The following KLHL5 variants were observed in gnomAD, a reference collection of about 807,000 sequenced individuals.
The protein encoded by KLHL5 is kelch like family member 5.
Under a neutral mutation model 77.7 loss-of-function variants are expected in KLHL5, and 48 were observed. The ratio of observed to expected loss-of-function variants is 0.62; its 90% confidence interval spans 0.49 to 0.79. KLHL5 has a LOEUF of 0.79. KLHL5 is among the 30% of genes least tolerant of loss of function. KLHL5 has a pLI of 0.00. For synonymous variants in KLHL5, 260 were observed against 297.0 expected, an observed-to-expected ratio of 0.88 and a Z score of 1.28; for missense variants, 723 against 859.7, an observed-to-expected ratio of 0.84 and a Z score of 1.99.
At chr4:39,063,885 A>G (rs1717652321) in intron 1 of KLHL5, 1 of 155,692 alleles carries the variant, frequency 6.4e-6, no homozygotes, top group Admixed American at 6.4e-5. Context: ...TTTAAACTAC[A>G]ATAAGATTAT....
chr4:39,114,952 T>G (rs1443616436), intron 9 of KLHL5, among the ~76,000 whole-genome samples: 1 of 152,196 alleles, frequency 6.6e-6, no homozygotes, highest in Non-Finnish European at 1.5e-5. Context: ...TCCTTTTAAG[T>G]GTTATACATC....
rs746309553 is a variant in KLHL5, at chr4:39,090,449, G to GT, written c.1113+3739dup. On this transcript the variant is annotated intron_variant, in intron 5 of 10. Transcript: ENST00000504108. ...TCTACCAAATGATCCTTTTTGTATGGTTTTTTTTTTTTTTTTTAGACTGAG... is the reference window on the plus strand; with the variant it reads ...TCTACCAAATGATCCTTTTTGTATGGTTTTTTTTTTTTTTTTTTAGACTGAG... Among the ~76,000 whole-genome samples, 740 of 134,964 alleles carry GT rather than the reference G, an allele frequency of 5.5e-3. 2 individuals carry two copies. The highest frequency in any genetic ancestry group is 6.3e-3 in the Non-Finnish European group (389 of 61,482). The allele number at this position is 134,964 out of a possible 152,430, so 88.5% of individuals were successfully genotyped here. A position where few individuals can be genotyped will look rare whatever the true frequency, so the allele number is the denominator to read the frequency against.
chr4:39,104,154 A>G (rs1721848386), intron 7 of KLHL5, among the ~76,000 whole-genome samples: 1 of 152,180 alleles, frequency 6.6e-6, no homozygotes, highest in South Asian at 2.1e-4. Context: ...TGGTGGGTAC[A>G]GTAAAAGATC....
intron 8 of KLHL5, among the ~76,000 whole-genome samples, chr4:39,108,280 C>G (rs1722197026): frequency 6.6e-6 from 1 of 152,038 alleles, no homozygotes; most frequent in Non-Finnish European, 1.5e-5. Flanking sequence ...TAATAGCTCT[C>G]AGTTACTCAG....
upstream of KLHL5, chr4:39,044,982 G>A (rs1716035177): frequency 2.0e-6 from 2 of 989,230 alleles, no homozygotes; most frequent in South Asian, 4.5e-5. Flanking sequence ...CTAGGGGCGC[G>A]CGAGGGGCCG....
chr4:39,104,550 C>T (rs890907158), intron 7 of KLHL5, among the ~76,000 whole-genome samples: 1 of 152,102 alleles, frequency 6.6e-6, no homozygotes, highest in African/African-American at 2.4e-5. Context: ...CCAGCTGTTT[C>T]GTGCAGATGA....
chr4:39,096,988 G>A, intron 6 of KLHL5, 110 bp downstream of exon 6: 1 of 853,550 alleles, frequency 1.2e-6, no homozygotes, highest in Non-Finnish European at 1.9e-6. Flanking sequence ...GCAGGACAGG[G>A]GCAGAAAAAG....
chr4:39,107,118 GCTCA>G (rs1722099367), intron 7 of KLHL5, among the ~76,000 whole-genome samples: 1 of 150,698 alleles, frequency 6.6e-6, no homozygotes, highest in Non-Finnish European at 1.5e-5. Context: ...CATGATCTTG[GCTCA>G]CTGCTACCTC....
rs75544586 is a variant in KLHL5, at chr4:39,095,557, C to G, written c.1114-1135C>G. The stretch of plus-strand genomic sequence containing the variant: ...AAATTAATACATAAGGACTTCTGTA[C>G]TGGACTTGTTTTTAGTAGCAGAAAA... On this transcript the variant is annotated intron_variant, in intron 5 of 10. Transcript: ENST00000504108. 1.0e-2 allele frequency among the ~76,000 whole-genome samples: 1,514 copies of G among 151,864 alleles called. 23 individuals are homozygous for G. Among genetic ancestry groups the G allele is most frequent in the African/African-American group, 0.034 (1,423 of 41,426 alleles).
chr4:39,069,432 A>T (rs1472648836), intron 1 of KLHL5, among the ~76,000 whole-genome samples: 20 of 20,480 alleles, frequency 9.8e-4, no homozygotes, highest in African/African-American at 3.5e-3. Context: ...TTAACATTTT[A>T]TATATATATA....
intron 1 of KLHL5, among the ~76,000 whole-genome samples, chr4:39,067,378 A>G (rs974617941): frequency 6.6e-6 from 1 of 152,146 alleles, no homozygotes; most frequent in African/African-American, 2.4e-5. Flanking sequence ...ACATCATATC[A>G]AAGATACACA....
intron 10 of KLHL5, among the ~76,000 whole-genome samples, chr4:39,119,280 T>A (rs1052682773): frequency 6.6e-6 from 1 of 152,172 alleles, no homozygotes; most frequent in Non-Finnish European, 1.5e-5. Flanking sequence ...GTTATCATAG[T>A]GTCTGAAAAA....
At chr4:39,098,817 G>A (rs1364811651) in intron 6 of KLHL5, among the ~76,000 whole-genome samples, 1 of 151,734 alleles carries the variant, frequency 6.6e-6, no homozygotes, top group African/African-American at 2.4e-5. Flanking sequence ...GCCCTCCTCG[G>A]CCTTCCAAAG....
In KLHL5 at chr4:39,126,189, C is replaced by A. The variant is rs78479575; in HGVS notation, c.*5123C>A. On this transcript the variant is annotated 3_prime_UTR_variant, in exon 11 of 11. Coordinates refer to ENST00000504108, the MANE Select transcript of KLHL5 (RefSeq NM_015990.5). ...TATTTGAAATTATTGATAACTCTTA[C>A]ACAAAAACAAATATTCAATAAAATG... Among the ~76,000 whole-genome samples the A allele has an allele frequency of 0.023, 3,508 of 152,222 alleles. 116 individuals carry two copies. Among genetic ancestry groups the A allele is most frequent in the Admixed American group, 0.098 (1,501 of 15,280 alleles).
At chr4:39,116,939 A>T (rs13147311) in intron 10 of KLHL5, among the ~76,000 whole-genome samples, 2,052 of 151,992 alleles carry the variant, frequency 0.014, 31 homozygotes, top group African/African-American at 0.042. Flanking sequence ...CGCATTCAAG[A>T]GATTCCCCTG....
intron 8 of KLHL5, among the ~76,000 whole-genome samples, chr4:39,111,844 C>T (rs904423939): frequency 6.6e-6 from 1 of 151,990 alleles, no homozygotes; most frequent in African/African-American, 2.4e-5. Flanking sequence ...ATTTAAGAAA[C>T]AGTTTCAGTG....
intron 2 of KLHL5, among the ~76,000 whole-genome samples, chr4:39,076,515 A>C (rs1342301605): frequency 1.3e-5 from 2 of 152,186 alleles, no homozygotes; most frequent in East Asian, 3.8e-4. Flanking sequence ...GAAGTGGACT[A>C]GCAAAAACTC....
rs374867267 is a variant in KLHL5, at chr4:39,113,192, G to A, written c.1861G>A (p.Ala621Thr). ...TGCTATAGGGGGGCACGATGCTCCC[G>A]CATCCAACTTGACTTCCAGACTCTC... ...LYAIGGHDAPASNLTSRLSDC... is the reference protein window; with the variant it reads ...LYAIGGHDAPTSNLTSRLSDC... The change falls in exon 9 of 11, where the codon GCA (alanine) becomes ACA (threonine). Residue 621 changes from alanine (A) to threonine (T), a missense_variant. By Grantham distance (58) the Ala-to-Thr change is moderately conservative. Transcript: ENST00000504108. The A allele has an allele frequency of 3.4e-5, 55 of 1,613,862 alleles. No homozygotes were observed. The highest frequency in any genetic ancestry group is 2.5e-4 in the African/African-American group (19 of 74,888).
At chr4:39,076,253 G>T in intron 2 of KLHL5, 106 bp downstream of exon 2, 1 of 950,736 alleles carries the variant, frequency 1.1e-6, no homozygotes, top group Non-Finnish European at 1.6e-6. Flanking sequence ...TTGGGAAGGG[G>T]TGTAGTTCAT....
Sources: gnomAD v4.1 joint callset for allele counts (sites outside exome capture counted in the v4.1 genomes callset) on GRCh38, gnomAD v4.1.1 for gene constraint, MANE v1.5 for transcripts, NCBI Gene and HGNC (gene_info 2026-07-23, HGNC 2026-07-21) for gene names.